The following CNTNAP3B variants were observed in gnomAD, a reference collection of about 807,000 sequenced individuals.
CNTNAP3B encodes contactin associated protein family member 3B.
In CNTNAP3B, 25 loss-of-function variants were observed where a neutral mutation model predicts 108.9. That is an observed-to-expected ratio of 0.23 (90% CI 0.17 to 0.32). The LOEUF (loss-of-function observed/expected upper bound fraction) is 0.32. CNTNAP3B is among the 10% of genes least tolerant of loss of function. The pLI is 1.00. For missense variants in CNTNAP3B, 252 were observed against 1,210.4 expected (o/e 0.21, Z 11.75); for synonymous variants, 103 against 473.4 (o/e 0.22, Z 10.16).
chr9:42,049,262 C>A (rs1396323131), intron 3 of CNTNAP3B, among the ~76,000 whole-genome samples: 1 of 138,744 alleles, frequency 7.2e-6, no homozygotes. Context: ...GACTGTACAC[C>A]TCTAGATATT....
chr9:41,959,777 T>C (rs1825004922), intron 12 of CNTNAP3B, among the ~76,000 whole-genome samples: 1 of 152,310 alleles, frequency 6.6e-6, no homozygotes, highest in Non-Finnish European at 1.5e-5. Context: ...ATTTGTTTCT[T>C]TATCCTTGAT....
chr9:42,067,292 T>C (rs1175974911), intron 3 of CNTNAP3B, among the ~76,000 whole-genome samples: 1 of 148,858 alleles, frequency 6.7e-6, no homozygotes, highest in East Asian at 2.0e-4. Flanking sequence ...ATATTCATGT[T>C]CTATTACATG....
In CNTNAP3B at chr9:42,112,351, G is replaced by A. The variant is rs772195853; in HGVS notation, c.86-7612C>T. Among the ~76,000 whole-genome samples, 13 of 139,464 alleles carry A rather than the reference G, an allele frequency of 9.3e-5. 3 individuals are homozygous for A. The highest frequency in any genetic ancestry group is 2.2e-4 in the East Asian group (1 of 4,600). The allele number at this position is 139,464 out of a possible 152,430, so 91.5% of individuals were successfully genotyped here. A position where few individuals can be genotyped will look rare whatever the true frequency, so the allele number is the denominator to read the frequency against. ...GAAAATGAATTACACCTCTGGAGAAGGAGCAGCACCTCACTCACAGGGAGC... is the reference window on the plus strand; with the variant it reads ...GAAAATGAATTACACCTCTGGAGAAAGAGCAGCACCTCACTCACAGGGAGC... On this transcript the variant is annotated intron_variant, in intron 1 of 23. Coordinates refer to ENST00000377561, the MANE Select transcript of CNTNAP3B (RefSeq NM_001201380.3).
chr9:42,079,753 C>T (rs1827573097), intron 2 of CNTNAP3B, among the ~76,000 whole-genome samples: 1 of 138,218 alleles, frequency 7.2e-6, no homozygotes, highest in Non-Finnish European at 1.5e-5. Flanking sequence ...GTCTCCTGAC[C>T]TAGTGATTTG....
intron 3 of CNTNAP3B, among the ~76,000 whole-genome samples, chr9:42,024,899 C>G (rs1265321978): frequency 1.4e-5 from 2 of 144,102 alleles, no homozygotes; most frequent in Non-Finnish European, 3.0e-5. Flanking sequence ...TTAATTTCTT[C>G]AGCATCCCCT....
At chr9:42,121,300 T>A (rs1254162704) in intron 1 of CNTNAP3B, among the ~76,000 whole-genome samples, 1 of 139,472 alleles carries the variant, frequency 7.2e-6, no homozygotes, top group Non-Finnish European at 1.5e-5. Flanking sequence ...CTCTATTCCA[T>A]TCTTCCCTCT....
intron 15 of CNTNAP3B, among the ~76,000 whole-genome samples, chr9:41,924,664 C>T (rs1351584631): frequency 7.3e-5 from 11 of 150,524 alleles, no homozygotes; most frequent in Admixed American, 4.0e-4. Context: ...CACACACACA[C>T]ACACACACAC....
chr9:42,070,898 A>T (rs1315648440), intron 3 of CNTNAP3B, among the ~76,000 whole-genome samples: 1 of 151,724 alleles, frequency 6.6e-6, no homozygotes, highest in East Asian at 1.9e-4. Context: ...CATGACAGCT[A>T]GTGGACACTT....
intron 3 of CNTNAP3B, among the ~76,000 whole-genome samples, chr9:42,033,345 A>G (rs1826559457): frequency 6.6e-6 from 1 of 150,526 alleles, no homozygotes; most frequent in Non-Finnish European, 1.5e-5. Context: ...TTTAGCTTAT[A>G]CAAATTGAAA....
intron 3 of CNTNAP3B, among the ~76,000 whole-genome samples, chr9:42,062,928 T>C (rs1305001904): frequency 1.0e-5 from 1 of 97,542 alleles, no homozygotes; most frequent in Non-Finnish European, 2.2e-5. Flanking sequence ...AAATTCAACA[T>C]TTTTACCCAC....
At chr9:42,086,402 T>C (rs1439944712) in intron 2 of CNTNAP3B, among the ~76,000 whole-genome samples, 1 of 138,694 alleles carries the variant, frequency 7.2e-6, no homozygotes, top group African/African-American at 2.8e-5. Context: ...ATATAAATTT[T>C]TTTTACATTT....
chr9:41,966,743 G>T (rs1272572930), intron 10 of CNTNAP3B, among the ~76,000 whole-genome samples: 2 of 152,182 alleles, frequency 1.3e-5, no homozygotes, highest in Non-Finnish European at 2.9e-5. Flanking sequence ...TGACGCGGGT[G>T]GATCACGAGG....
rs1282063050 is a variant in CNTNAP3B at position 42,016,877 on chromosome 9, A to G, written c.391-3352T>C. 9.7e-4 allele frequency among the ~76,000 whole-genome samples: 147 copies of G among 151,044 alleles called. 1 individual carries two copies. Among genetic ancestry groups the G allele is most frequent in the African/African-American group, 3.3e-3 (135 of 40,788 alleles). On this transcript the variant is annotated intron_variant, in intron 3 of 23. Transcript: ENST00000377561. ...ATATATATAATGTATTTTTAAGATT[A>G]TAAATCATTTATTTTTTACAGCATT...
intron 1 of CNTNAP3B, among the ~76,000 whole-genome samples, chr9:42,114,412 G>C: frequency 7.8e-6 from 1 of 128,104 alleles, no homozygotes; most frequent in East Asian, 2.4e-4. Flanking sequence ...GCCCAAGGAA[G>C]GAGCCCTGTC....
At chr9:41,970,732 C>G (rs2257783) in intron 9 of CNTNAP3B, among the ~76,000 whole-genome samples, 4 of 121,304 alleles carry the variant, frequency 3.3e-5, no homozygotes, top group Admixed American at 8.6e-5. Flanking sequence ...TACCCTATAG[C>G]TGTTTTTGTG....
Position 42,110,137 on chromosome 9 carries a change from G to A in CNTNAP3B, c.86-5398C>T, listed in dbSNP as rs191973601. ...CAGTTTATGGTCATTTCTCACAAGG[G>A]CCATAGGAAATGAACACACTTTATA... On this transcript the variant is annotated intron_variant, in intron 1 of 23. Coordinates refer to ENST00000377561, the MANE Select transcript of CNTNAP3B (RefSeq NM_001201380.3). Among the ~76,000 whole-genome samples, 202 of 105,894 alleles carry A rather than the reference G, an allele frequency of 1.9e-3. 26 individuals carry two copies. The East Asian group carries it at 0.074, about 39-fold the overall frequency. 69.5% of individuals were successfully genotyped at this position (105,894 alleles called of 152,430 possible).
intron 1 of CNTNAP3B, among the ~76,000 whole-genome samples, chr9:42,119,168 A>T (rs1230264626): frequency 1.0e-5 from 1 of 100,194 alleles, no homozygotes; most frequent in Non-Finnish European, 2.0e-5. Flanking sequence ...AATCACAAGC[A>T]TTCTTATACA....
At chr9:41,917,235 A>G (rs1403957352) in intron 18 of CNTNAP3B, among the ~76,000 whole-genome samples, 2 of 149,404 alleles carry the variant, frequency 1.3e-5, no homozygotes, top group East Asian at 2.0e-4. Flanking sequence ...ATTTCTCTGT[A>G]TTCTTCAGGA....
intron 13 of CNTNAP3B, among the ~76,000 whole-genome samples, chr9:41,944,626 A>C (rs1446767652): frequency 6.6e-5 from 10 of 152,054 alleles, no homozygotes; most frequent in African/African-American, 2.4e-4. Flanking sequence ...AATTCAGGAA[A>C]AAAAGAAGAA....
Sources: gnomAD v4.1 joint callset for allele counts (sites outside exome capture counted in the v4.1 genomes callset) on GRCh38, gnomAD v4.1.1 for gene constraint, MANE v1.5 for transcripts, NCBI Gene and HGNC (gene_info 2026-07-23, HGNC 2026-07-21) for gene names.